The following FAM20C variants were observed in gnomAD, a reference collection of about 807,000 sequenced individuals.
FAM20C encodes the protein FAM20C golgi associated secretory pathway kinase.
In FAM20C, 40 loss-of-function variants were observed where a neutral mutation model predicts 51.5. The observed-to-expected ratio is 0.78, with a 90% CI of 0.60 to 1.01. The LOEUF (loss-of-function observed/expected upper bound fraction) is 1.01, where lower values mean the gene tolerates loss of function less well. Among genes scored for constraint, FAM20C ranks in the 50% least tolerant of loss-of-function variants. The probability of loss-of-function intolerance (pLI) is 0.00; values close to 1 mark genes in which losing one functional copy is unlikely to be tolerated. For missense variants in FAM20C, 861 were observed against 844.7 expected (o/e 1.02, Z -0.24); for synonymous variants, 406 against 380.6 (o/e 1.07, Z -0.78).
intron 3 of FAM20C, among the ~76,000 whole-genome samples, chr7:214,376 T>G (rs762463129): frequency 6.6e-6 from 1 of 152,118 alleles, no homozygotes; most frequent in Non-Finnish European, 1.5e-5. Context: ...TTACCACATA[T>G]GTGGTATCAT....
chr7:192,929 G>A lies in FAM20C; in HGVS notation c.-271G>A. Reference sequence around the variant, plus strand: ...GCCCCAGCCGCCCCCCGCGCGCCCGGCTCCGCGGACCAGGACCCCTGGGCT... The same window carrying A: ...GCCCCAGCCGCCCCCCGCGCGCCCGACTCCGCGGACCAGGACCCCTGGGCT... On this transcript the variant is annotated 5_prime_UTR_variant, in exon 1 of 10. Transcript: ENST00000313766. 1 of 153,450 alleles carries A rather than the reference G, an allele frequency of 6.5e-6. No homozygotes were observed. The highest frequency in any genetic ancestry group is 1.4e-5 in the Non-Finnish European group (1 of 70,046). 9.5% of individuals were successfully genotyped at this position (153,450 alleles called of 1,614,324 possible).
intron 3 of FAM20C, among the ~76,000 whole-genome samples, chr7:231,200 G>A (rs1292834788): frequency 3.3e-5 from 5 of 152,156 alleles, no homozygotes; most frequent in Admixed American, 2.6e-4. Flanking sequence ...AGACAGGAGT[G>A]GGTGCGCTGG....
chr7:243,089 A>G (rs1287653357), intron 3 of FAM20C, among the ~76,000 whole-genome samples: 1 of 131,460 alleles, frequency 7.6e-6, no homozygotes, highest in East Asian at 2.3e-4. Context: ...CACCCAAGAG[A>G]CCTGTGCCAC....
Position 193,743 on chromosome 7 carries a change from G to A in FAM20C, c.544G>A (p.Val182Ile), listed in dbSNP as rs1428341991. ...VAVPPLTEED[V>I]LFNVNSDTRL... ...GGTTCCGCCGCTCACGGAGGAGGACGTCCTGTTCAATGTGAACAGCGACAC... is the reference window on the plus strand; with the variant it reads ...GGTTCCGCCGCTCACGGAGGAGGACATCCTGTTCAATGTGAACAGCGACAC... The change falls in exon 1 of 10, where the codon GTC (valine) becomes ATC (isoleucine). Residue 182 changes from valine (V) to isoleucine (I), a missense_variant. This residue lies in a region of FAM20C where 561 missense variants were observed against 499.8 expected (regional missense o/e 1.12). Transcript: ENST00000313766. The A allele has an allele frequency of 4.5e-6, 7 of 1,548,486 alleles. No homozygotes were observed. Among genetic ancestry groups the A allele is most frequent in the South Asian group, 2.4e-5 (2 of 83,948 alleles).
Position 210,786 on chromosome 7 carries a change from C to T in FAM20C, c.863+1810C>T, listed in dbSNP as rs991477134. Among the ~76,000 whole-genome samples the T allele has an allele frequency of 3.3e-5, 5 of 152,112 alleles. No homozygotes were observed. In the South Asian group the frequency reaches 8.3e-4, roughly 25 times the overall value. On this transcript the variant is annotated intron_variant, in intron 3 of 9. Coordinates refer to ENST00000313766, the MANE Select transcript of FAM20C (RefSeq NM_020223.4). ...ATGGTCCGTGTGAATCCTCAGGCCC[C>T]GTTTCTCATCTCTGAGGAGGTGGAA...
At chr7:198,292 C>T (rs1785975331) in intron 2 of FAM20C, among the ~76,000 whole-genome samples, 1 of 152,180 alleles carries the variant, frequency 6.6e-6, no homozygotes, top group Non-Finnish European at 1.5e-5. Context: ...CTCTGCCAGC[C>T]ATTAGCCAGA....
intron 3 of FAM20C, among the ~76,000 whole-genome samples, chr7:234,073 G>A (rs1429771146): frequency 6.6e-6 from 1 of 152,200 alleles, no homozygotes; most frequent in Non-Finnish European, 1.5e-5. Flanking sequence ...CTGCCTTCCT[G>A]CCCCTGCCTT....
chr7:256,837 G>A, intron 7 of FAM20C, 74 bp downstream of exon 7: 4 of 1,464,502 alleles, frequency 2.7e-6, no homozygotes, highest in South Asian at 1.2e-5. Context: ...GGCTCTGCAG[G>A]GCACACTCCG....
At chr7:204,063 A>T (rs568109644) in intron 2 of FAM20C, among the ~76,000 whole-genome samples, 1 of 152,376 alleles carries the variant, frequency 6.6e-6, no homozygotes, top group Non-Finnish European at 1.5e-5. Flanking sequence ...CCACGGTTTT[A>T]CTTTTGGGAG....
intron 5 of FAM20C, among the ~76,000 whole-genome samples, chr7:253,316 G>C (rs1788470547): frequency 6.6e-6 from 1 of 152,218 alleles, no homozygotes; most frequent in East Asian, 1.9e-4. Context: ...GTCAGCGAAA[G>C]GAATGGTGGG....
At chr7:245,300 TCTG>T (rs1165872622) in intron 3 of FAM20C, among the ~76,000 whole-genome samples, 1 of 101,186 alleles carries the variant, frequency 9.9e-6, no homozygotes, top group East Asian at 2.7e-4. Context: ...TCCCGCCAGC[TCTG>T]GTTTCCAGCA....
intron 1 of FAM20C, chr7:195,270 G>A (rs999367088): frequency 1.4e-5 from 5 of 353,570 alleles, no homozygotes; most frequent in African/African-American, 2.1e-5. Flanking sequence ...GCAGGGCAGC[G>A]CTGACGTCCT....
At chr7:240,950 G>A (rs1787929489) in intron 3 of FAM20C, among the ~76,000 whole-genome samples, 1 of 152,188 alleles carries the variant, frequency 6.6e-6, no homozygotes, top group Non-Finnish European at 1.5e-5. Context: ...CCTGAGCAGG[G>A]GGTGGGGCTG....
intron 3 of FAM20C, chr7:227,536 A>G (rs746675460): frequency 1.3e-5 from 2 of 150,006 alleles, no homozygotes; most frequent in Admixed American, 6.7e-5. Context: ...CTTGGTGCTC[A>G]ATATTTAATC....
rs145109755 is a variant in FAM20C at position 194,720 on chromosome 7, G to A, written c.606-834G>A. Among the ~76,000 whole-genome samples the A allele has an allele frequency of 1.1e-4, 17 of 152,284 alleles. No individual in the cohort carries two copies. The East Asian group carries it at 3.3e-3, about 29-fold the overall frequency. ...AGCATTGGCCTGGGCTGTGGCTCTC[G>A]GCAGGGAGAGACGGCCGCCCAGAGC... is the stretch of plus-strand genomic sequence containing the variant. On this transcript the variant is annotated intron_variant, in intron 1 of 9. Transcript: ENST00000313766.
In FAM20C at chr7:200,808, A is replaced by G. The variant is rs548558532; in HGVS notation, c.784+5076A>G. ...TTGCCTGTCACTTGAGGCCTCCAGG[A>G]GAGTCGAGGACTGGCAGATCCAGGT... On this transcript the variant is annotated intron_variant, in intron 2 of 9. Transcript: ENST00000313766. 8.3e-4 allele frequency among the ~76,000 whole-genome samples: 127 copies of G among 152,260 alleles called. 1 individual carries two copies. The highest frequency in any genetic ancestry group is 1.9e-3 in the South Asian group (9 of 4,826).
chr7:222,233 C>T (rs765070206), intron 3 of FAM20C, among the ~76,000 whole-genome samples: 17 of 152,176 alleles, frequency 1.1e-4, no homozygotes, highest in Non-Finnish European at 2.2e-4. Context: ...TAGAAAGCTT[C>T]TCAGTGGGTG....
intron 3 of FAM20C, among the ~76,000 whole-genome samples, chr7:234,012 G>A (rs904037388): frequency 3.9e-5 from 6 of 152,192 alleles, no homozygotes; most frequent in Admixed American, 1.3e-4. Context: ...CTGGTCCTGG[G>A]CAGACCCCAG....
chr7:246,343 G>A (rs1442744569), intron 3 of FAM20C, 72 bp from the exon 4 acceptor site: 11 of 1,295,972 alleles, frequency 8.5e-6, no homozygotes, highest in South Asian at 1.3e-5. Flanking sequence ...AACCCAGCAC[G>A]TCCCGCCTGC....
Sources: allele counts gnomAD v4.1 joint callset (sites outside exome capture counted in the v4.1 genomes callset), GRCh38; gene constraint gnomAD v4.1.1; regional missense constraint gnomAD v4.1.1; transcripts MANE v1.5; gene names NCBI Gene and HGNC (gene_info 2026-07-23, HGNC 2026-07-21).